SLIT2: variants seen among roughly 807,000 people sequenced by gnomAD.
The protein encoded by SLIT2 is slit guidance ligand 2, also known as slit homolog 2 protein.
In SLIT2, 41 loss-of-function variants were observed where a neutral mutation model predicts 185.7. The ratio of observed to expected loss-of-function variants is 0.22; its 90% confidence interval spans 0.17 to 0.29. SLIT2 has a LOEUF of 0.29. Ranked by LOEUF, SLIT2 falls within the 10% of genes least tolerant of loss-of-function variation. The probability of loss-of-function intolerance (pLI) is 1.00; values close to 1 mark genes in which losing one functional copy is unlikely to be tolerated. For synonymous variants in SLIT2, 693 were observed against 680.2 expected, an observed-to-expected ratio of 1.02 and a Z score of -0.29; for missense variants, 1,571 against 1,909.0, an observed-to-expected ratio of 0.82 and a Z score of 3.30.
intron 4 of SLIT2, among the ~76,000 whole-genome samples, chr4:20,426,448 C>T (rs760791845): frequency 4.6e-5 from 7 of 152,102 alleles, no homozygotes; most frequent in African/African-American, 1.4e-4. Flanking sequence ...GCAAAATAGT[C>T]ATATTTCACT....
intron 4 of SLIT2, among the ~76,000 whole-genome samples, chr4:20,431,156 A>G (rs1728943274): frequency 6.6e-6 from 1 of 152,208 alleles, no homozygotes; most frequent in Non-Finnish European, 1.5e-5. Flanking sequence ...CCTCTAACTC[A>G]TATCGTATCT....
At chr4:20,584,809 C>T (rs556449919) in intron 29 of SLIT2, among the ~76,000 whole-genome samples, 2 of 152,250 alleles carry the variant, frequency 1.3e-5, no homozygotes, top group South Asian at 4.2e-4. Flanking sequence ...AATCCCAGCA[C>T]TTTGGGAGGC....
At chr4:20,482,424 A>T (rs958730926) in intron 6 of SLIT2, among the ~76,000 whole-genome samples, 2 of 152,008 alleles carry the variant, frequency 1.3e-5, no homozygotes, top group South Asian at 2.1e-4. Context: ...ACACTATGCT[A>T]GGCACTGAAA....
chr4:20,257,819 C>G (rs747658387), intron 2 of SLIT2, 49 bp from the exon 3 acceptor site: 1 of 904,620 alleles, frequency 1.1e-6, no homozygotes, highest in Non-Finnish European at 1.8e-6. Flanking sequence ...GAAATTTATT[C>G]AGATGGTGAG....
chr4:20,547,553 T>G (rs1723355878), intron 22 of SLIT2, among the ~76,000 whole-genome samples: 1 of 152,158 alleles, frequency 6.6e-6, no homozygotes, highest in South Asian at 2.1e-4. Context: ...TCCATTTTAC[T>G]GACATTTTGA....
At chr4:20,521,176 G>A (rs998763664) in intron 12 of SLIT2, among the ~76,000 whole-genome samples, 3 of 152,158 alleles carry the variant, frequency 2.0e-5, no homozygotes, top group African/African-American at 7.2e-5. Context: ...CTTATTGGTA[G>A]TTGATGTAAC....
At chr4:20,338,698 G>T (rs893764672) in intron 4 of SLIT2, among the ~76,000 whole-genome samples, 3 of 152,126 alleles carry the variant, frequency 2.0e-5, no homozygotes, top group Non-Finnish European at 4.4e-5. Context: ...TGAATGTACT[G>T]CTGGGAGACA....
intron 16 of SLIT2, 59 bp downstream of exon 16, chr4:20,529,158 A>G (rs1237821400): frequency 1.0e-5 from 14 of 1,336,236 alleles, no homozygotes; most frequent in Non-Finnish European, 1.4e-5. Flanking sequence ...GCATTAAAGC[A>G]TAAGAATGTT....
At chr4:20,391,780 T>A (rs1725435973) in intron 4 of SLIT2, among the ~76,000 whole-genome samples, 1 of 152,018 alleles carries the variant, frequency 6.6e-6, no homozygotes, top group African/African-American at 2.4e-5. Context: ...AAAGATAGAG[T>A]TAGTAAAGAT....
Position 20,253,932 on chromosome 4 carries a change from G to C in SLIT2, c.117G>C (p.Val39=). The C allele has an allele frequency of 6.2e-7, 1 of 1,602,810 alleles. No homozygotes were observed. The change falls in exon 1 of 37, where the codon GTG becomes GTC. Residue 39 remains valine (V), a synonymous_variant. Coordinates refer to ENST00000504154, the MANE Select transcript of SLIT2 (RefSeq NM_004787.4). ...AGTGCTCTTGCTCGGGCAGCACAGT[G>C]GACTGTCACGGGCTGGCGCTGCGCA... ...PAQCSCSGST[V]DCHGLALRSV... is the part of the protein sequence containing the mutation.
intron 5 of SLIT2, among the ~76,000 whole-genome samples, chr4:20,472,282 A>C (rs540791667): frequency 1.4e-4 from 4 of 28,578 alleles, no homozygotes; most frequent in African/African-American, 2.5e-4. Flanking sequence ...ATATCTATAT[A>C]TATAGATATA....
At chr4:20,568,806 C>T (rs746968753) in intron 28 of SLIT2, 59 bp from the exon 29 acceptor site, 17 of 1,508,864 alleles carry the variant, frequency 1.1e-5, no homozygotes, top group African/African-American at 1.4e-5. Context: ...ATATTTAGAC[C>T]ACATGACTTT....
intron 4 of SLIT2, among the ~76,000 whole-genome samples, chr4:20,302,618 A>G (rs919802345): frequency 2.6e-5 from 4 of 152,130 alleles, no homozygotes; most frequent in African/African-American, 7.2e-5. Flanking sequence ...GAGGTGTGTC[A>G]TGAAAAAGGG....
chr4:20,377,547 G>A (rs963604982), intron 4 of SLIT2, among the ~76,000 whole-genome samples: 5 of 152,020 alleles, frequency 3.3e-5, no homozygotes, highest in Admixed American at 1.3e-4. Flanking sequence ...GAATTGGACC[G>A]CCTGGATTCT....
chr4:20,455,034 C>T (rs1712909887), intron 4 of SLIT2, among the ~76,000 whole-genome samples: 2 of 152,042 alleles, frequency 1.3e-5, no homozygotes, highest in South Asian at 4.1e-4. Context: ...GAAACACATA[C>T]ATGTTTAGGA....
intron 4 of SLIT2, among the ~76,000 whole-genome samples, chr4:20,323,197 TA>T (rs55676738): frequency 2.0e-5 from 3 of 151,860 alleles, no homozygotes; most frequent in African/African-American, 7.3e-5. Context: ...TAATTTCAGC[TA>T]AAAAATGTAT....
intron 29 of SLIT2, among the ~76,000 whole-genome samples, chr4:20,578,109 T>G (rs537086904): frequency 6.6e-6 from 1 of 152,322 alleles, no homozygotes; most frequent in African/African-American, 2.4e-5. Context: ...ACATTGTTCT[T>G]TATGTGATCT....
At chr4:20,282,462 A>G (rs1714866197) in intron 4 of SLIT2, among the ~76,000 whole-genome samples, 1 of 152,308 alleles carries the variant, frequency 6.6e-6, no homozygotes, top group Non-Finnish European at 1.5e-5. Flanking sequence ...TAGGTTTTTA[A>G]AAGTATAGTT....
At chr4:20,360,202 A>T (rs139748566) in intron 4 of SLIT2, among the ~76,000 whole-genome samples, 131 of 152,276 alleles carry the variant, frequency 8.6e-4, no homozygotes, top group African/African-American at 2.9e-3. Flanking sequence ...AAAAAGTTCA[A>T]TAAATATCAA....
Sources: gnomAD v4.1 joint callset for allele counts (sites outside exome capture counted in the v4.1 genomes callset) on GRCh38, gnomAD v4.1.1 for gene constraint, MANE v1.5 for transcripts, NCBI Gene and HGNC (gene_info 2026-07-23, HGNC 2026-07-21) for gene names.